Variants in GPRC6A observed in about 807,000 individuals in gnomAD.
GPRC6A encodes G protein-coupled receptor family C group 6 member A.
GPRC6A carries 54 observed loss-of-function variants against 47.0 expected under a neutral mutation model. That is an observed-to-expected ratio of 1.15 (90% CI 0.92 to 1.44). The LOEUF (loss-of-function observed/expected upper bound fraction) is 1.44, where lower values mean the gene tolerates loss of function less well. Ranked by LOEUF, GPRC6A falls within the 40% of genes most tolerant of loss-of-function variation. GPRC6A has a pLI of 0.00. For synonymous variants in GPRC6A, 347 were observed against 377.1 expected, an observed-to-expected ratio of 0.92 and a Z score of 0.93; for missense variants, 1,112 against 1,105.5, an observed-to-expected ratio of 1.01 and a Z score of -0.08.
Position 116,809,314 on chromosome 6 carries a change from C to T in GPRC6A, c.498G>A (p.Gln166=), listed in dbSNP as rs148056762. The T allele has an allele frequency of 3.9e-5, 62 of 1,610,304 alleles. No homozygotes were observed. The African/African-American group carries it at 7.9e-4, about 20-fold the overall frequency. Residue 166 remains glutamine (Q), a splice_region_variant and synonymous_variant, in exon 2 of 6, where the codon CAG becomes CAA. Coordinates refer to ENST00000310357, the MANE Select transcript of GPRC6A (RefSeq NM_148963.4). ...TGTTTGGAGGTAGCACAAAACCTACCTGTGGCATGAGCTGTAAATTCAACA... is the reference window on the plus strand; with the variant it reads ...TGTTTGGAGGTAGCACAAAACCTACTTGTGGCATGAGCTGTAAATTCAACA... ...SRMLNLQLMP[Q]VGYESTAEIL... is the part of the protein sequence containing the mutation.
chr6:116,824,771 C>G (rs942151404), intron 1 of GPRC6A, among the ~76,000 whole-genome samples: 10 of 151,952 alleles, frequency 6.6e-5, no homozygotes, highest in Non-Finnish European at 1.2e-4. Flanking sequence ...ATGCCAAAAC[C>G]AGATAAGGAC....
chr6:116,793,059 G>T lies in GPRC6A; in HGVS notation c.1864C>A (p.Pro622Thr), dbSNP rs748772260. 4.3e-6 allele frequency: 7 copies of T among 1,613,808 alleles called. No homozygotes were observed. In the Admixed American group the frequency reaches 6.7e-5, roughly 15 times the overall value. ...GIIFTRNLNTPVVKSSGGLRV... is the reference protein window; with the variant it reads ...GIIFTRNLNTTVVKSSGGLRV... ...AATCCCCCGGATGATTTCACAACAG[G>T]TGTGTTCAGGTTTCTTGTAAATATT... The change falls in exon 6 of 6, where the codon CCT becomes ACT. Residue 622 changes from proline to threonine, a missense_variant. Physicochemically the swap from Pro to Thr is conservative, Grantham distance 38. Transcript: ENST00000310357.
At chr6:116,818,786 G>A (rs1773344170) in intron 1 of GPRC6A, among the ~76,000 whole-genome samples, 2 of 151,398 alleles carry the variant, frequency 1.3e-5, no homozygotes, top group Non-Finnish European at 2.9e-5. Flanking sequence ...AGACTAGGAA[G>A]AAACTGCATC....
At chr6:116,797,117 A>G (rs1772514666) in intron 4 of GPRC6A, among the ~76,000 whole-genome samples, 1 of 150,530 alleles carries the variant, frequency 6.6e-6, no homozygotes, top group South Asian at 2.1e-4. Context: ...CCCACCTATG[A>G]GTGAGAATAT....
At chr6:116,810,178 T>G (rs1182878870) in intron 1 of GPRC6A, among the ~76,000 whole-genome samples, 17 of 152,154 alleles carry the variant, frequency 1.1e-4, no homozygotes, top group Admixed American at 1.1e-3. Flanking sequence ...AGCACTGAGT[T>G]GTCTGATTAC....
chr6:116,829,164 A>G (rs1179555195), upstream of GPRC6A: 1 of 781,976 alleles, frequency 1.3e-6, no homozygotes, highest in African/African-American at 1.8e-5. Context: ...ATACTTGATG[A>G]TAGTCAAAAC....
intron 1 of GPRC6A, among the ~76,000 whole-genome samples, chr6:116,811,133 A>T (rs1773009663): frequency 6.6e-6 from 1 of 152,202 alleles, no homozygotes; most frequent in Admixed American, 6.5e-5. Context: ...GCAAAACTGC[A>T]TCATAGCTCC....
chr6:116,808,319 T>TA (rs1262080609), intron 2 of GPRC6A, among the ~76,000 whole-genome samples: 1 of 152,162 alleles, frequency 6.6e-6, no homozygotes, highest in Non-Finnish European at 1.5e-5. Context: ...TGCCGTCTAT[T>TA]ACAGAAATTG....
At chr6:116,825,520 A>G (rs1223803343) in intron 1 of GPRC6A, among the ~76,000 whole-genome samples, 2 of 152,028 alleles carry the variant, frequency 1.3e-5, no homozygotes, top group African/African-American at 4.8e-5. Flanking sequence ...GAGGTGAAAG[A>G]TCTCTACAAG....
intron 1 of GPRC6A, among the ~76,000 whole-genome samples, chr6:116,815,264 C>T (rs1314497006): frequency 6.6e-6 from 1 of 152,160 alleles, no homozygotes; most frequent in East Asian, 1.9e-4. Context: ...AGGTGGATCA[C>T]TTGAGGTCAG....
chr6:116,814,374 A>C (rs1294768911), intron 1 of GPRC6A, among the ~76,000 whole-genome samples: 1 of 152,186 alleles, frequency 6.6e-6, no homozygotes, highest in Non-Finnish European at 1.5e-5. Flanking sequence ...TCAATAATAG[A>C]CTGGATTAAA....
chr6:116,815,848 C>T (rs1001417920), intron 1 of GPRC6A, among the ~76,000 whole-genome samples: 2 of 152,170 alleles, frequency 1.3e-5, no homozygotes, highest in Admixed American at 1.3e-4. Context: ...GTATTAGTCC[C>T]TTCTCACATT....
chr6:116,819,678 A>G (rs1220716873), intron 1 of GPRC6A, among the ~76,000 whole-genome samples: 2 of 152,206 alleles, frequency 1.3e-5, no homozygotes, highest in Admixed American at 6.5e-5. Context: ...AAGACACAAC[A>G]TACCAGAGTC....
chr6:116,800,863 G>C, intron 3 of GPRC6A, 67 bp from the exon 4 acceptor site: 1 of 890,862 alleles, frequency 1.1e-6, no homozygotes. Context: ...TTATTCTAAT[G>C]ATAACACTGC....
chr6:116,807,850 T>A (rs902728350), intron 2 of GPRC6A, among the ~76,000 whole-genome samples: 1 of 152,178 alleles, frequency 6.6e-6, no homozygotes, highest in Non-Finnish European at 1.5e-5. Flanking sequence ...TGAAGTCAAA[T>A]AAATATCAGC....
chr6:116,795,082 C>G (rs900060794), intron 5 of GPRC6A, among the ~76,000 whole-genome samples: 2 of 152,104 alleles, frequency 1.3e-5, no homozygotes, highest in African/African-American at 2.4e-5. Flanking sequence ...TTTTAGGCTC[C>G]TAAGGCTGCT....
At chr6:116,816,249 TAA>T (rs1010156829) in intron 1 of GPRC6A, among the ~76,000 whole-genome samples, 12 of 152,034 alleles carry the variant, frequency 7.9e-5, no homozygotes, top group African/African-American at 2.9e-4. Context: ...GCCTGCAAAA[TAA>T]AAAATAAGTT....
At chr6:116,805,606 G>C (rs1772810959) in intron 3 of GPRC6A, among the ~76,000 whole-genome samples, 1 of 139,782 alleles carries the variant, frequency 7.2e-6, no homozygotes, top group South Asian at 2.2e-4. Context: ...CCTTGTTCAA[G>C]GGCATTTGAG....
At chr6:116,816,685 G>A (rs527774831) in intron 1 of GPRC6A, among the ~76,000 whole-genome samples, 18 of 152,222 alleles carry the variant, frequency 1.2e-4, no homozygotes, top group South Asian at 4.1e-4. Context: ...TGCACGCACC[G>A]TGCGCGAACC....
Sources: gnomAD v4.1 joint callset for allele counts (sites outside exome capture counted in the v4.1 genomes callset) on GRCh38, gnomAD v4.1.1 for gene constraint, MANE v1.5 for transcripts, NCBI Gene and HGNC (gene_info 2026-07-23, HGNC 2026-07-21) for gene names.